The following LRP2 variants were observed in gnomAD, a reference collection of about 807,000 sequenced individuals.
The protein encoded by LRP2 is low-density lipoprotein receptor-related protein 2.
LRP2 carries 172 observed loss-of-function variants against 531.0 expected under a neutral mutation model. The ratio of observed to expected loss-of-function variants is 0.32; its 90% CI spans 0.29 to 0.37. The LOEUF (loss-of-function observed/expected upper bound fraction) is 0.37. Ranked by LOEUF, LRP2 falls within the 10% of genes least tolerant of loss-of-function variation. The pLI, the probability that LRP2 is intolerant of heterozygous loss-of-function variation, is 1.00. For missense variants in LRP2, 5,167 were observed against 5,868.3 expected (o/e 0.88, Z 3.90); for synonymous variants, 1,992 against 2,027.6 (o/e 0.98, Z 0.47).
Position 169,173,902 on chromosome 2 carries a change from C to T in LRP2, c.11014+17G>A, listed in dbSNP as rs1687091597. ...TCCCTGCTCTGGTCATGCCTTGGTC[C>T]TCCCACAGGAACTTACTGCATTCTT... On this transcript the variant is annotated intron_variant, in intron 56 of 78. Coordinates refer to ENST00000649046, the MANE Select transcript of LRP2 (RefSeq NM_004525.3). The T allele has an allele frequency of 1.2e-6, 2 of 1,613,858 alleles. No individual in the cohort carries two copies. The highest frequency in any genetic ancestry group is 2.7e-5 in the African/African-American group (2 of 74,934).
intron 28 of LRP2, among the ~76,000 whole-genome samples, chr2:169,236,654 G>T (rs1025089183): frequency 1.3e-5 from 2 of 152,148 alleles, no homozygotes; most frequent in African/African-American, 4.8e-5. Context: ...TTCAGGATCA[G>T]CAGGCAAAAA....
intron 6 of LRP2, among the ~76,000 whole-genome samples, chr2:169,293,223 A>G (rs1684045075): frequency 6.6e-6 from 1 of 152,244 alleles, no homozygotes; most frequent in Admixed American, 6.5e-5. Context: ...TGAACATAGT[A>G]AAACTCTTTC....
chr2:169,197,361 G>A (rs1688040854), intron 45 of LRP2, among the ~76,000 whole-genome samples: 1 of 152,060 alleles, frequency 6.6e-6, no homozygotes. Flanking sequence ...CTACTATAAT[G>A]TAAGATTAAA....
Position 169,247,456 on chromosome 2 carries a change from C to T in LRP2, c.2830G>A (p.Gly944Ser), listed in dbSNP as rs1327338064. 6 of 1,614,130 alleles carry T rather than the reference C, an allele frequency of 3.7e-6. No homozygotes were observed. Among genetic ancestry groups the T allele is most frequent in the Non-Finnish European group, 5.1e-6 (6 of 1,179,996 alleles). The change falls in exon 20 of 79, where the codon GGT becomes AGT. Residue 944 changes from glycine to serine, a missense_variant. By Grantham distance (56) the Gly-to-Ser change is moderately conservative. Around this residue, in one of 6 missense-constraint regions of LRP2, gnomAD observed 2,811 missense variants for 3,058.0 expected, o/e 0.92. Coordinates refer to ENST00000649046, the MANE Select transcript of LRP2 (RefSeq NM_004525.3). ...GAIIRVRKAD[G>S]GEMTVIRSGI... ...CTTCGGATAACTGTCATTTCTCCAC[C>T]ATCTGCTTTCCTGACTCGAATAATG...
intron 16 of LRP2, among the ~76,000 whole-genome samples, chr2:169,264,681 A>G (rs1391209386): frequency 1.3e-5 from 2 of 152,046 alleles, no homozygotes; most frequent in African/African-American, 4.8e-5. Context: ...TGTCAACAGA[A>G]GAGAGACACA....
In LRP2 at chr2:169,127,438, C is replaced by T. The variant is rs1366255646; in HGVS notation, c.*1225G>A. 6.6e-6 allele frequency: 1 copy of T among 151,666 alleles called. No individual in the cohort carries two copies. The highest frequency in any genetic ancestry group is 1.5e-5 in the Non-Finnish European group (1 of 68,126). The allele number at this position is 151,666 out of a possible 1,614,324, so 9.4% of individuals were successfully genotyped here. A position where few individuals can be genotyped will look rare whatever the true frequency, so the allele number is the denominator to read the frequency against. On this transcript the variant is annotated 3_prime_UTR_variant, in exon 79 of 79. Transcript: ENST00000649046. The stretch of plus-strand genomic sequence containing the variant: ...TGGAAGCCAGGCACAGTGGCTCACG[C>T]CCGTAACCCCAACCACTCAGGAGGC...
chr2:169,320,801 C>T lies in LRP2; in HGVS notation c.163G>A (p.Asp55Asn). ...WRCDGTKDCS[D>N]DADEIGCAVV... ...CCGCAGCCAATTTCATCCGCGTCAT[C>T]TGAACAGTCTTTGGTCCCATCACAC... is the stretch of plus-strand genomic sequence containing the variant. The change falls in exon 2 of 79, where the codon GAT becomes AAT. Residue 55 changes from aspartate (D) to asparagine (N), a missense_variant. Asp to Asn is a conservative substitution (Grantham distance 23). Around this residue, in one of 6 missense-constraint regions of LRP2, gnomAD observed 2,811 missense variants for 3,058.0 expected, o/e 0.92. Transcript: ENST00000649046. 1 of 1,614,178 alleles carries T rather than the reference C, an allele frequency of 6.2e-7. No individual in the cohort carries two copies. The highest frequency in any genetic ancestry group is 8.5e-7 in the Non-Finnish European group (1 of 1,180,000).
Position 169,200,266 on chromosome 2 carries a change from T to A in LRP2, c.8453-1355A>T, listed in dbSNP as rs188623769. 5.4e-3 allele frequency among the ~76,000 whole-genome samples: 805 copies of A among 149,718 alleles called. 2 individuals carry two copies. The highest frequency in any genetic ancestry group is 9.0e-3 in the Non-Finnish European group (610 of 67,952). ...ACTCCATCTCAAAAAAATAAAAAAA[T>A]TTTTTTTCCTTAAAAACTGTATTTC... is the stretch of plus-strand genomic sequence containing the variant. On this transcript the variant is annotated intron_variant, in intron 44 of 78. Transcript: ENST00000649046.
chr2:169,317,792 T>C (rs544480916), intron 3 of LRP2, among the ~76,000 whole-genome samples: 142 of 136,588 alleles, frequency 1.0e-3, no homozygotes, highest in Non-Finnish European at 1.0e-3. Context: ...AAAATTATTT[T>C]CAGGCCAGTC....
At chr2:169,152,014 T>A (rs1686157678) in intron 67 of LRP2, among the ~76,000 whole-genome samples, 1 of 152,278 alleles carries the variant, frequency 6.6e-6, no homozygotes, top group South Asian at 2.1e-4. Flanking sequence ...ACCTTCCCCC[T>A]CAAACATGTT....
At chr2:169,142,218 C>G (rs1320338461) in intron 71 of LRP2, among the ~76,000 whole-genome samples, 1 of 152,186 alleles carries the variant, frequency 6.6e-6, no homozygotes, top group African/African-American at 2.4e-5. Context: ...TAAACCACAG[C>G]TTCCTCATGC....
intron 3 of LRP2, among the ~76,000 whole-genome samples, chr2:169,311,051 C>T (rs1262304910): frequency 6.6e-6 from 1 of 151,970 alleles, no homozygotes; most frequent in Non-Finnish European, 1.5e-5. Context: ...GGTGATATCC[C>T]CTTTATCATT....
At position 169,362,325 on chromosome 2, in the gene LRP2, G is replaced by A; in HGVS notation, c.75C>T (p.Gly25=). 6.4e-7 allele frequency: 1 copy of A among 1,560,644 alleles called. No individual in the cohort carries two copies. Among genetic ancestry groups the A allele is most frequent in the South Asian group, 1.2e-5 (1 of 84,772 alleles). ...ALVACLAPAS[G]QECDSAHFRC... is the part of the protein sequence containing the mutation. ...AGGCTCTGGCTGGGCTCTTACCTTG[G>A]CCACTGGCCGGCGCTAGGCAGGCGA... Residue 25 remains glycine, a synonymous_variant, in exon 1 of 79, where the codon GGC becomes GGT. Coordinates refer to ENST00000649046, the MANE Select transcript of LRP2 (RefSeq NM_004525.3).
intron 16 of LRP2, among the ~76,000 whole-genome samples, chr2:169,259,647 C>G (rs1173632749): frequency 2.0e-5 from 3 of 151,918 alleles, no homozygotes; most frequent in African/African-American, 7.3e-5. Flanking sequence ...GCCCAACCCT[C>G]TCATCAACAG....
intron 1 of LRP2, among the ~76,000 whole-genome samples, chr2:169,350,726 A>AG (rs1482191543): frequency 7.5e-6 from 1 of 134,064 alleles, no homozygotes; most frequent in Non-Finnish European, 1.5e-5. Context: ...TCCATCGCAA[A>AG]AAAAAAAAAA....
chr2:169,243,805 T>C (rs529964242), intron 22 of LRP2, among the ~76,000 whole-genome samples: 18 of 152,076 alleles, frequency 1.2e-4, no homozygotes, highest in African/African-American at 4.1e-4. Context: ...TGCTTGGACT[T>C]GGACTACATT....
chr2:169,338,400 G>GA (rs1278863239), intron 1 of LRP2, among the ~76,000 whole-genome samples: 62 of 119,056 alleles, frequency 5.2e-4, no homozygotes, highest in Middle Eastern at 4.2e-3. Flanking sequence ...AAGAAAGAAA[G>GA]AAAGAAAGAA....
In LRP2 at chr2:169,204,276, A is replaced by T. The variant is rs757033561; in HGVS notation, c.7716-5T>A. On this transcript the variant is annotated splice_polypyrimidine_tract_variant and splice_region_variant and intron_variant, in intron 41 of 78. Coordinates refer to ENST00000649046, the MANE Select transcript of LRP2 (RefSeq NM_004525.3). Reference sequence around the variant, plus strand: ...GTGCTGCGTTCAATCCTCTGCCTAAAATGAAGCAAAAAAAAATTTAGAAGT... The same window carrying T: ...GTGCTGCGTTCAATCCTCTGCCTAATATGAAGCAAAAAAAAATTTAGAAGT... The T allele has an allele frequency of 5.0e-6, 8 of 1,610,296 alleles. No individual in the cohort carries two copies. Among genetic ancestry groups the T allele is most frequent in the Middle Eastern group, 1.7e-4 (1 of 6,058 alleles).
chr2:169,171,297 C>T (rs1035033528), intron 58 of LRP2, among the ~76,000 whole-genome samples: 7 of 152,034 alleles, frequency 4.6e-5, no homozygotes, highest in Non-Finnish European at 5.9e-5. Context: ...TTTCATTAGT[C>T]AATTAGAAAT....
Sources: gnomAD v4.1 joint callset for allele counts (sites outside exome capture counted in the v4.1 genomes callset) on GRCh38, gnomAD v4.1.1 for gene constraint, gnomAD v4.1.1 regional missense constraint, MANE v1.5 for transcripts, NCBI Gene and HGNC (gene_info 2026-07-23, HGNC 2026-07-21) for gene names.